Variants in IQGAP1 observed in about 807,000 individuals in gnomAD.
IQGAP1 encodes ras GTPase-activating-like protein IQGAP1.
IQGAP1 carries 66 observed loss-of-function variants against 215.6 expected under a neutral mutation model. The ratio of observed to expected loss-of-function variants is 0.31; its 90% CI spans 0.25 to 0.38. The LOEUF (loss-of-function observed/expected upper bound fraction) is 0.38. IQGAP1 is among the 10% of genes least tolerant of loss of function. The probability of loss-of-function intolerance (pLI) is 1.00; values close to 1 mark genes in which losing one functional copy is unlikely to be tolerated. For synonymous variants in IQGAP1, 772 were observed against 728.7 expected (o/e 1.06, Z -0.96); for missense variants, 1,712 against 1,997.1 (o/e 0.86, Z 2.72).
chr15:90,448,976 C>A (rs1462051561), intron 10 of IQGAP1, among the ~76,000 whole-genome samples: 1 of 152,148 alleles, frequency 6.6e-6, no homozygotes, highest in Non-Finnish European at 1.5e-5. Flanking sequence ...CATCCCCAGT[C>A]TAATCACTCC....
intron 36 of IQGAP1, among the ~76,000 whole-genome samples, chr15:90,496,349 G>A (rs992250521): frequency 1.7e-4 from 19 of 113,400 alleles, no homozygotes; most frequent in African/African-American, 3.5e-4. Context: ...ACGGAGTCTC[G>A]CCCTATCACC....
In IQGAP1 at chr15:90,467,533, T is replaced by A; in HGVS notation, c.2119T>A (p.Trp707Arg). The A allele has an allele frequency of 6.2e-7, 1 of 1,613,368 alleles. No individual in the cohort carries two copies. Among genetic ancestry groups the A allele is most frequent in the Non-Finnish European group, 8.5e-7 (1 of 1,179,690 alleles). The part of the protein sequence containing the change: ...YHNLETQEGG[W>R]DEPPNFVQNS... ...CAATCTGGAGACCCAGGAAGGAGGA[T>A]GGGATGAACCTCCAAATTTTGTGCA... The change falls in exon 18 of 38, where the codon TGG (tryptophan) becomes AGG (arginine). Residue 707 changes from tryptophan to arginine, a missense_variant. By Grantham distance (101) the Trp-to-Arg change is moderately radical. Transcript: ENST00000268182.
intron 34 of IQGAP1, 127 bp from the exon 35 acceptor site, chr15:90,492,418 C>CTAA (rs1161254724): frequency 2.0e-6 from 1 of 491,096 alleles, no homozygotes; most frequent in Non-Finnish European, 3.1e-6. Context: ...AACAGAGTGT[C>CTAA]TAAAAAAAAA....
intron 2 of IQGAP1, among the ~76,000 whole-genome samples, chr15:90,409,659 G>C (rs951321319): frequency 6.6e-6 from 1 of 152,168 alleles, no homozygotes; most frequent in African/African-American, 2.4e-5. Context: ...GCAAGTGTGA[G>C]CCACTGTGCC....
chr15:90,485,960 T>G, intron 30 of IQGAP1, 70 bp from the exon 31 acceptor site: 1 of 1,157,846 alleles, frequency 8.6e-7, no homozygotes, highest in Non-Finnish European at 1.3e-6. Context: ...CAGATCATTG[T>G]TAGACATTCT....
At chr15:90,415,505 T>A (rs769093859) in intron 2 of IQGAP1, among the ~76,000 whole-genome samples, 1 of 152,188 alleles carries the variant, frequency 6.6e-6, no homozygotes, top group Non-Finnish European at 1.5e-5. Context: ...ATTTTAAGAG[T>A]ATATAACTAT....
chr15:90,448,869 T>A (rs191910414), intron 10 of IQGAP1, 133 bp downstream of exon 10: 20 of 790,028 alleles, frequency 2.5e-5, no homozygotes, highest in African/African-American at 3.6e-5. Context: ...TAAATTAGTT[T>A]AAAAAAAAAT....
chr15:90,488,119 G>A (rs1966152885), intron 33 of IQGAP1, among the ~76,000 whole-genome samples: 1 of 152,144 alleles, frequency 6.6e-6, no homozygotes, highest in Non-Finnish European at 1.5e-5. Flanking sequence ...TACTTGGGAG[G>A]CTGAGGCAGG....
intron 2 of IQGAP1, among the ~76,000 whole-genome samples, chr15:90,399,888 CTT>C (rs1964781074): frequency 6.6e-6 from 1 of 152,036 alleles, no homozygotes; most frequent in African/African-American, 2.4e-5. Context: ...TAGTTCTGGA[CTT>C]TTAAATTATG....
chr15:90,434,361 C>T (rs889913913), intron 5 of IQGAP1, among the ~76,000 whole-genome samples: 2 of 151,816 alleles, frequency 1.3e-5, no homozygotes, highest in Non-Finnish European at 2.9e-5. Flanking sequence ...TTGCTTGAAC[C>T]CGGAAGGCAG....
intron 8 of IQGAP1, among the ~76,000 whole-genome samples, chr15:90,443,148 A>G (rs113836798): frequency 5.3e-5 from 8 of 152,120 alleles, no homozygotes; most frequent in Admixed American, 2.0e-4. Context: ...TTTTGTAGAG[A>G]TGGGGTCTCG....
At chr15:90,481,900 G>T in intron 26 of IQGAP1, 60 bp from the exon 27 acceptor site, 1 of 1,571,142 alleles carries the variant, frequency 6.4e-7, no homozygotes, top group Admixed American at 1.7e-5. Context: ...TAAGACACTT[G>T]CTTCAGGCTG....
chr15:90,450,583 G>A (rs1202484499), intron 11 of IQGAP1, among the ~76,000 whole-genome samples: 2 of 151,612 alleles, frequency 1.3e-5, no homozygotes, highest in East Asian at 1.9e-4. Context: ...CAGTGTATGA[G>A]CCCTTTCTCT....
Position 90,497,333 on chromosome 15 carries a change from A to G in IQGAP1, c.4853A>G (p.His1618Arg), listed in dbSNP as rs1470790880. 7 of 1,578,248 alleles carry G rather than the reference A, an allele frequency of 4.4e-6. No homozygotes were observed. The highest frequency in any genetic ancestry group is 1.7e-5 in the Admixed American group (1 of 59,844). ...MGVQMETFMLHYQDLLQLQYE... is the reference protein window; with the variant it reads ...MGVQMETFMLRYQDLLQLQYE... ...GTTCAAATGGAGACTTTTATGTTAC[A>G]TTATCAGGTGGGTATGCACCAGCAG... The change falls in exon 37 of 38, where the codon CAT (histidine) becomes CGT (arginine). Residue 1618 changes from histidine (H) to arginine (R), a missense_variant. By Grantham distance (29) the His-to-Arg change is conservative (BLOSUM62 0). Coordinates refer to ENST00000268182, the MANE Select transcript of IQGAP1 (RefSeq NM_003870.4).
At chr15:90,439,265 TC>T in intron 5 of IQGAP1, 66 bp from the exon 6 acceptor site, 1 of 1,132,280 alleles carries the variant, frequency 8.8e-7, no homozygotes, top group Non-Finnish European at 1.3e-6. Flanking sequence ...ATGCTGATTT[TC>T]GCCTTTTAAG....
Position 90,388,318 on chromosome 15 carries a change from A to G in IQGAP1, c.-24A>G, listed in dbSNP as rs760322491. On this transcript the variant is annotated 5_prime_UTR_variant, in exon 1 of 38. Transcript: ENST00000268182. ...GCCTCCAAGGTTTCACGGCTTCCTC[A>G]GCAGAGACTCGGGCTCGTCCGCCAT... is the stretch of plus-strand genomic sequence containing the variant. 10 of 1,597,624 alleles carry G rather than the reference A, an allele frequency of 6.3e-6. No individual in the cohort carries two copies. Among genetic ancestry groups the G allele is most frequent in the Admixed American group, 1.7e-5 (1 of 59,452 alleles).
At chr15:90,432,100 CATAAG>C (rs1388331537) in intron 4 of IQGAP1, among the ~76,000 whole-genome samples, 1 of 152,174 alleles carries the variant, frequency 6.6e-6, no homozygotes, top group Non-Finnish European at 1.5e-5. Context: ...GACTTGCTGA[CATAAG>C]ATAAACACGG....
intron 2 of IQGAP1, among the ~76,000 whole-genome samples, chr15:90,424,018 ATAAG>A (rs1478578712): frequency 8.0e-5 from 12 of 149,902 alleles, no homozygotes; most frequent in African/African-American, 3.0e-4. Flanking sequence ...AAAAAGAAAA[ATAAG>A]TAACTTTTTT....
intron 3 of IQGAP1, among the ~76,000 whole-genome samples, chr15:90,428,123 G>A (rs1965251485): frequency 6.6e-6 from 1 of 152,028 alleles, no homozygotes; most frequent in South Asian, 2.1e-4. Flanking sequence ...CCAGGCTAGA[G>A]TGCAGTAATG....
Sources: gnomAD v4.1 joint callset for allele counts (sites outside exome capture counted in the v4.1 genomes callset) on GRCh38, gnomAD v4.1.1 for gene constraint, MANE v1.5 for transcripts, NCBI Gene and HGNC (gene_info 2026-07-23, HGNC 2026-07-21) for gene names.